The following CHODL variants were observed in gnomAD, a reference collection of about 807,000 sequenced individuals.
CHODL encodes the protein chondrolectin.
A neutral mutation model predicts 34.5 loss-of-function variants in CHODL; 29 were observed. The observed-to-expected ratio is 0.84, with a 90% CI of 0.63 to 1.15. The LOEUF (loss-of-function observed/expected upper bound fraction) is 1.15, where lower values mean the gene tolerates loss of function less well. CHODL is among the 50% of genes most tolerant of loss of function. CHODL has a pLI of 0.00. For missense variants in CHODL, 332 were observed against 332.5 expected, an observed-to-expected ratio of 1.00 and a Z score of 0.01; for synonymous variants, 125 against 116.1, an observed-to-expected ratio of 1.08 and a Z score of -0.49.
intron 2 of CHODL, among the ~76,000 whole-genome samples, chr21:18,141,317 A>AT (rs2072799395): frequency 1.3e-5 from 2 of 152,006 alleles, no homozygotes; most frequent in Non-Finnish European, 2.9e-5. Context: ...AAATATATAA[A>AT]TACTAACAAT....
At chr21:17,957,882 CCT>C in intron 1 of CHODL, among the ~76,000 whole-genome samples, 1 of 150,000 alleles carries the variant, frequency 6.7e-6, no homozygotes. Flanking sequence ...TTTTAGGCAG[CCT>C]TTTTTTTTTC....
intron 2 of CHODL, among the ~76,000 whole-genome samples, chr21:18,029,549 A>G (rs899640446): frequency 2.0e-5 from 3 of 152,172 alleles, no homozygotes; most frequent in African/African-American, 7.2e-5. Context: ...GAAACTTTGT[A>G]TATATTTAAC....
chr21:18,022,784 G>T (rs965608993), intron 1 of CHODL, among the ~76,000 whole-genome samples: 1 of 152,168 alleles, frequency 6.6e-6, no homozygotes, highest in South Asian at 2.1e-4. Context: ...CTCATACAGA[G>T]AAACTCCTAG....
chr21:18,067,301 A>G (rs903689103), intron 2 of CHODL, among the ~76,000 whole-genome samples: 2 of 152,234 alleles, frequency 1.3e-5, no homozygotes, highest in African/African-American at 4.8e-5. Context: ...TGACAATAGG[A>G]TCATTGCAGA....
At chr21:17,944,939 G>A (rs1411380471) in intron 1 of CHODL, among the ~76,000 whole-genome samples, 2 of 152,200 alleles carry the variant, frequency 1.3e-5, no homozygotes, top group Non-Finnish European at 2.9e-5. Flanking sequence ...GGCCAGGCGC[G>A]GTGGCTTACG....
intron 2 of CHODL, among the ~76,000 whole-genome samples, chr21:18,180,355 G>C (rs2073367525): frequency 6.6e-6 from 1 of 152,082 alleles, no homozygotes; most frequent in African/African-American, 2.4e-5. Context: ...ATGTTGCCCA[G>C]GATGGACTCA....
chr21:18,155,429 A>T (rs918780969), intron 2 of CHODL, among the ~76,000 whole-genome samples: 1 of 152,170 alleles, frequency 6.6e-6, no homozygotes, highest in Non-Finnish European at 1.5e-5. Flanking sequence ...CTCTGGAGAG[A>T]AGGAAATGAA....
upstream of CHODL, among the ~76,000 whole-genome samples, chr21:18,242,564 G>A (rs2074092519): frequency 6.6e-6 from 1 of 151,354 alleles, no homozygotes; most frequent in South Asian, 2.1e-4. Flanking sequence ...CAGATGTTTT[G>A]AAGTGACGGA....
intron 1 of CHODL, among the ~76,000 whole-genome samples, chr21:17,946,382 T>C (rs1029546174): frequency 1.3e-5 from 2 of 152,156 alleles, no homozygotes; most frequent in Non-Finnish European, 2.9e-5. Context: ...ATGGCGCCAC[T>C]GCACTCCAGC....
At chr21:18,231,215 T>C (rs943959597) in intron 2 of CHODL, among the ~76,000 whole-genome samples, 1 of 152,156 alleles carries the variant, frequency 6.6e-6, no homozygotes, top group African/African-American at 2.4e-5. Flanking sequence ...ATAAACATTT[T>C]GACAAGGTAA....
At chr21:18,025,889 A>T (rs1876910969) in intron 1 of CHODL, among the ~76,000 whole-genome samples, 1 of 152,090 alleles carries the variant, frequency 6.6e-6, no homozygotes, top group Non-Finnish European at 1.5e-5. Context: ...GTCATATTGG[A>T]CTAGGGCCTA....
chr21:18,077,740 A>C (rs1433622799), intron 2 of CHODL, among the ~76,000 whole-genome samples: 1 of 152,180 alleles, frequency 6.6e-6, no homozygotes. Flanking sequence ...GAATCTGCCA[A>C]CACCTTGATC....
intron 2 of CHODL, among the ~76,000 whole-genome samples, chr21:18,187,713 T>C (rs1012456618): frequency 5.3e-5 from 8 of 152,196 alleles, no homozygotes; most frequent in Admixed American, 5.2e-4. Context: ...CTCTGTTCTA[T>C]TGCAAATCTC....
At chr21:18,038,710 G>T (rs1419556117) in intron 2 of CHODL, among the ~76,000 whole-genome samples, 1 of 151,660 alleles carries the variant, frequency 6.6e-6, no homozygotes, top group Non-Finnish European at 1.5e-5. Flanking sequence ...ACATACTTCA[G>T]AGTAGAGGTG....
intron 1 of CHODL, among the ~76,000 whole-genome samples, chr21:17,990,597 A>G (rs993049885): frequency 1.3e-5 from 2 of 152,180 alleles, no homozygotes; most frequent in African/African-American, 4.8e-5. Flanking sequence ...TATCAATTAA[A>G]TACAAAGTTG....
chr21:18,131,332 CCATT>C (rs1445945504), intron 2 of CHODL, among the ~76,000 whole-genome samples: 4 of 152,150 alleles, frequency 2.6e-5, no homozygotes, highest in Admixed American at 6.5e-5. Context: ...AATATTCAGT[CCATT>C]CAATATCTTA....
intron 1 of CHODL, among the ~76,000 whole-genome samples, chr21:17,953,775 C>T (rs1309368956): frequency 1.3e-5 from 2 of 151,936 alleles, no homozygotes; most frequent in Non-Finnish European, 2.9e-5. Flanking sequence ...ACTTTGGGAG[C>T]CTGAGGTGAA....
intron 1 of CHODL, among the ~76,000 whole-genome samples, chr21:17,918,655 C>T (rs1326878585): frequency 1.3e-5 from 2 of 152,000 alleles, no homozygotes; most frequent in Non-Finnish European, 2.9e-5. Flanking sequence ...TATCATTCTA[C>T]CCCAGCCCCT....
intron 2 of CHODL, among the ~76,000 whole-genome samples, chr21:18,140,346 C>G (rs2072786156): frequency 6.6e-6 from 1 of 152,136 alleles, no homozygotes; most frequent in South Asian, 2.1e-4. Context: ...CAGTGGTAAA[C>G]TTAGGACTGC....
Sources: allele counts gnomAD v4.1 joint callset (sites outside exome capture counted in the v4.1 genomes callset), GRCh38; gene constraint gnomAD v4.1.1; transcripts MANE v1.5; gene names NCBI Gene and HGNC (gene_info 2026-07-23, HGNC 2026-07-21).